The following RPS6KC1 variants were observed in gnomAD, a reference collection of about 807,000 sequenced individuals.
RPS6KC1 encodes inactive ribosomal protein S6 kinase delta-1.
RPS6KC1 carries 54 observed loss-of-function variants against 103.8 expected under a neutral mutation model. The observed-to-expected ratio is 0.52, with a 90% confidence interval of 0.42 to 0.65. The LOEUF (loss-of-function observed/expected upper bound fraction) is 0.65, where lower values mean the gene tolerates loss of function less well. RPS6KC1 is among the 30% of genes least tolerant of loss of function. The pLI, the probability that RPS6KC1 is intolerant of heterozygous loss-of-function variation, is 0.00. For missense variants in RPS6KC1, 1,151 were observed against 1,253.8 expected (o/e 0.92, Z 1.24); for synonymous variants, 439 against 438.7 (o/e 1.00, Z -0.01).
chr1:213,077,865 A>G (rs772015590), intron 3 of RPS6KC1, 49 bp downstream of exon 3: 6 of 1,120,932 alleles, frequency 5.4e-6, no homozygotes, highest in Non-Finnish European at 7.4e-6. Context: ...TTAATTTTGT[A>G]TATATACTGA....
the RPS6KC1 span, among the ~76,000 whole-genome samples, chr1:213,813,856 T>C: frequency 6.6e-6 from 1 of 152,330 alleles, no homozygotes; most frequent in East Asian, 1.9e-4. Context: ...TGTGGTTTCC[T>C]ACTCTTCTCA....
chr1:213,632,433 A>G, the RPS6KC1 span, among the ~76,000 whole-genome samples: 1 of 152,342 alleles, frequency 6.6e-6, no homozygotes, highest in East Asian at 1.9e-4. Context: ...GCAAACTCCA[A>G]CAGACCTGCA....
intron 3 of RPS6KC1, among the ~76,000 whole-genome samples, chr1:213,087,564 G>A (rs1014598998): frequency 6.6e-6 from 1 of 152,172 alleles, no homozygotes; most frequent in Non-Finnish European, 1.5e-5. Context: ...GCTTAGCAAC[G>A]GAGGGCACTC....
At chr1:213,551,525 A>G in the RPS6KC1 span, among the ~76,000 whole-genome samples, 12 of 152,324 alleles carry the variant, frequency 7.9e-5, 1 homozygote, top group East Asian at 2.3e-3. Context: ...CTTCTTAAGT[A>G]CAGTACATGT....
intron 7 of RPS6KC1, among the ~76,000 whole-genome samples, chr1:213,174,144 G>T (rs945311614): frequency 2.5e-4 from 38 of 152,078 alleles, no homozygotes; most frequent in African/African-American, 9.2e-4. Flanking sequence ...CAGCAGAAAA[G>T]AATTTTTAAT....
intron 7 of RPS6KC1, among the ~76,000 whole-genome samples, chr1:213,173,588 AAC>A (rs1180665913): frequency 6.6e-6 from 1 of 152,252 alleles, no homozygotes; most frequent in Non-Finnish European, 1.5e-5. Flanking sequence ...AGTATAGAAT[AAC>A]TTTTTCCTAA....
chr1:213,084,886 A>G lies in RPS6KC1; in HGVS notation c.262+7070A>G, dbSNP rs1385968291. 2.6e-5 allele frequency among the ~76,000 whole-genome samples: 4 copies of G among 152,196 alleles called. No homozygotes were observed. The South Asian group carries it at 8.3e-4, about 31-fold the overall frequency. On this transcript the variant is annotated intron_variant, in intron 3 of 14. Transcript: ENST00000366960. ...GGCTGGATACTGCATAGGTGTCCTC[A>G]GAGTATCTCATCTGAAGGCACATGA...
At chr1:213,684,724 A>C in the RPS6KC1 span, among the ~76,000 whole-genome samples, 1 of 152,362 alleles carries the variant, frequency 6.6e-6, no homozygotes, top group East Asian at 1.9e-4. Context: ...ACCAGCCAGC[A>C]CAATGAAGTG....
the RPS6KC1 span, among the ~76,000 whole-genome samples, chr1:213,344,675 C>T: frequency 6.6e-6 from 1 of 152,216 alleles, no homozygotes. Flanking sequence ...GCTGGGACTA[C>T]AGGTGTGCAC....
chr1:213,721,409 A>G, the RPS6KC1 span, among the ~76,000 whole-genome samples: 6 of 152,182 alleles, frequency 3.9e-5, no homozygotes, highest in Non-Finnish European at 7.3e-5. Flanking sequence ...TAAATCTCAC[A>G]GAATCTGATG....
the RPS6KC1 span, among the ~76,000 whole-genome samples, chr1:213,736,978 G>A: frequency 1.3e-5 from 2 of 152,222 alleles, no homozygotes; most frequent in Admixed American, 1.3e-4. Context: ...GAGATGGTGA[G>A]AGGATGCCAA....
the RPS6KC1 span, among the ~76,000 whole-genome samples, chr1:213,410,444 G>A: frequency 1.3e-5 from 2 of 152,156 alleles, no homozygotes; most frequent in African/African-American, 2.4e-5. Context: ...CTTTGTGAAG[G>A]CATTGGGGCT....
chr1:213,277,660 G>A (rs2095114772), downstream of RPS6KC1, among the ~76,000 whole-genome samples: 1 of 152,262 alleles, frequency 6.6e-6, no homozygotes, highest in South Asian at 2.1e-4. Flanking sequence ...TAATTGACAT[G>A]CTTATCCTAA....
chr1:213,835,764 G>T, the RPS6KC1 span: 1 of 152,144 alleles, frequency 6.6e-6, no homozygotes, highest in Non-Finnish European at 1.5e-5. Flanking sequence ...CCTCACTTGA[G>T]GGGGACTAGA....
chr1:213,485,751 G>A, the RPS6KC1 span, among the ~76,000 whole-genome samples: 1 of 152,150 alleles, frequency 6.6e-6, no homozygotes, highest in Admixed American at 6.5e-5. Flanking sequence ...CAGCAACTCT[G>A]CTAGCCGCTG....
intron 8 of RPS6KC1, among the ~76,000 whole-genome samples, chr1:213,191,272 G>A (rs2148471648): frequency 6.6e-6 from 1 of 152,232 alleles, no homozygotes; most frequent in South Asian, 2.1e-4. Flanking sequence ...TTTAATTCAT[G>A]AACATGGAAT....
chr1:213,178,421 A>T (rs2092035038), intron 8 of RPS6KC1, among the ~76,000 whole-genome samples: 1 of 151,658 alleles, frequency 6.6e-6, no homozygotes, highest in Non-Finnish European at 1.5e-5. Context: ...CACACCTGTA[A>T]TCTCAGCTCC....
chr1:213,790,267 T>G, the RPS6KC1 span, among the ~76,000 whole-genome samples: 7 of 152,344 alleles, frequency 4.6e-5, no homozygotes, highest in South Asian at 1.5e-3. Context: ...CTTCTAAATA[T>G]TTACTTCAGC....
At position 213,203,572 on chromosome 1, in the gene RPS6KC1, A is replaced by G. The variant is rs182053464; in HGVS notation, c.1045-26925A>G. ...GTTTATATGTTCTTACTGAATTTTCAGAAGCTCTTTTTATAAGAATATGTA... is the reference window on the plus strand; with the variant it reads ...GTTTATATGTTCTTACTGAATTTTCGGAAGCTCTTTTTATAAGAATATGTA... On this transcript the variant is annotated intron_variant, in intron 8 of 14. Coordinates refer to ENST00000366960, the MANE Select transcript of RPS6KC1 (RefSeq NM_012424.6). 1.1e-3 allele frequency among the ~76,000 whole-genome samples: 175 copies of G among 152,194 alleles called. 1 individual carries two copies. The highest frequency in any genetic ancestry group is 2.0e-3 in the Non-Finnish European group (135 of 68,006).
Sources: allele counts gnomAD v4.1 joint callset (sites outside exome capture counted in the v4.1 genomes callset), GRCh38; gene constraint gnomAD v4.1.1; transcripts MANE v1.5; gene names NCBI Gene and HGNC (gene_info 2026-07-23, HGNC 2026-07-21).